Variants in SPRY3 observed in about 807,000 individuals in gnomAD.
The protein encoded by SPRY3 is protein sprouty homolog 3.
SPRY3 carries 15 observed loss-of-function variants against 20.2 expected under a neutral mutation model. The ratio of observed to expected loss-of-function variants is 0.74; its 90% CI spans 0.50 to 1.14. The LOEUF (loss-of-function observed/expected upper bound fraction) is 1.14, where lower values mean the gene tolerates loss of function less well. Ranked by LOEUF, SPRY3 falls within the 50% of genes most tolerant of loss-of-function variation. SPRY3 has a pLI of 0.00. For missense variants in SPRY3, 364 were observed against 363.9 expected (o/e 1.00, Z 0.00); for synonymous variants, 143 against 136.5 (o/e 1.05, Z -0.33).
intron 1 of SPRY3, among the ~76,000 whole-genome samples, chrX:155,646,610 A>G (rs1336811196): frequency 9.0e-6 from 1 of 111,359 alleles, no homozygotes; most frequent in Non-Finnish European, 1.9e-5. Context: ...CTTAGTGTGT[A>G]GAAATGTAAC....
intron 2 of SPRY3, among the ~76,000 whole-genome samples, chrX:155,685,044 A>G (rs990960486): frequency 5.0e-4 from 56 of 111,783 alleles, no homozygotes; most frequent in African/African-American, 1.8e-3. Flanking sequence ...TCTTTCAGCA[A>G]TTTGATTATG....
intron 2 of SPRY3, among the ~76,000 whole-genome samples, chrX:155,683,561 C>T (rs1021468182): frequency 1.8e-5 from 2 of 112,214 alleles, no homozygotes; most frequent in African/African-American, 6.5e-5. Flanking sequence ...ATAACCTTTA[C>T]ATGTACTGGG....
intron 2 of SPRY3, among the ~76,000 whole-genome samples, chrX:155,763,288 C>T (rs2091311530): frequency 6.6e-6 from 1 of 152,042 alleles, no homozygotes; most frequent in Admixed American, 6.6e-5. Context: ...TTAAACTGAC[C>T]TCCCCCTTCC....
intron 2 of SPRY3, among the ~76,000 whole-genome samples, chrX:155,763,132 T>C (rs151301454): frequency 0.027 from 4,036 of 152,084 alleles, 147 homozygotes; most frequent in East Asian, 0.037. Flanking sequence ...AAACCCCTCA[T>C]GTTCTCACTT....
intron 1 of SPRY3, among the ~76,000 whole-genome samples, chrX:155,644,305 G>C (rs1557351658): frequency 9.2e-6 from 1 of 108,946 alleles, no homozygotes; most frequent in African/African-American, 3.3e-5. Context: ...ACAGCAATGG[G>C]TCTTGCCCAA....
intron 2 of SPRY3, among the ~76,000 whole-genome samples, chrX:155,720,888 A>T (rs2091053324): frequency 6.6e-6 from 1 of 152,136 alleles, no homozygotes; most frequent in Non-Finnish European, 1.5e-5. Context: ...ACAGACAAAC[A>T]TCTACAAGTA....
intron 2 of SPRY3, among the ~76,000 whole-genome samples, chrX:155,745,368 C>T (rs976162996): frequency 2.6e-5 from 4 of 152,086 alleles, no homozygotes; most frequent in East Asian, 1.9e-4. Context: ...AGGCTGGGGC[C>T]GGTACAAGGA....
intron 2 of SPRY3, among the ~76,000 whole-genome samples, chrX:155,700,616 CT>C (rs759851874): frequency 0.076 from 4,990 of 65,945 alleles, 569 homozygotes; most frequent in African/African-American, 0.12. Flanking sequence ...GAATGAAGTT[CT>C]TTTTTTTTTT....
intron 3 of SPRY3, among the ~76,000 whole-genome samples, chrX:155,772,737 G>C (rs764504794): frequency 1.3e-5 from 2 of 152,154 alleles, no homozygotes; most frequent in African/African-American, 4.8e-5. Context: ...CTTCCTGACT[G>C]TAGTACAATG....
intron 1 of SPRY3, among the ~76,000 whole-genome samples, chrX:155,634,476 A>G (rs781982395): frequency 4.5e-5 from 5 of 111,538 alleles, no homozygotes; most frequent in South Asian, 3.7e-4. Flanking sequence ...GGCTTATACC[A>G]TGGAATTCAT....
At chrX:155,711,895 T>C (rs1010935586) in intron 2 of SPRY3, among the ~76,000 whole-genome samples, 24 of 151,608 alleles carry the variant, frequency 1.6e-4, no homozygotes, top group Admixed American at 1.4e-3. Flanking sequence ...TTTTGGTATG[T>C]TGTGTTTCCA....
intron 2 of SPRY3, among the ~76,000 whole-genome samples, chrX:155,741,218 A>G (rs1381044689): frequency 1.3e-5 from 2 of 152,190 alleles, no homozygotes; most frequent in Non-Finnish European, 2.9e-5. Context: ...ACAAGTATCA[A>G]TGGCAGAATA....
chrX:155,747,851 T>C (rs1034546181), intron 2 of SPRY3, among the ~76,000 whole-genome samples: 5 of 151,890 alleles, frequency 3.3e-5, no homozygotes, highest in African/African-American at 9.7e-5. Flanking sequence ...TTTTTTTTAA[T>C]TTCCAATCGG....
In SPRY3 at chrX:155,670,771, C is replaced by T. The variant is rs1371277317; in HGVS notation, c.-282+13746C>T. Among the ~76,000 whole-genome samples the T allele has an allele frequency of 2.7e-5, 3 of 111,743 alleles. No homozygotes were observed. The Admixed American group carries it at 2.9e-4, about 11-fold the overall frequency. On this transcript the variant is annotated intron_variant, in intron 2 of 3. Transcript: ENST00000675360. ...AAGCAGAAATTGTTTTTCTATTTTA[C>T]AAATTAGGCCAGAATGGCAAAGGGG...
At chrX:155,771,181 A>T (rs2091378651) in intron 3 of SPRY3, among the ~76,000 whole-genome samples, 1 of 152,126 alleles carries the variant, frequency 6.6e-6, no homozygotes, top group Non-Finnish European at 1.5e-5. Context: ...GCAGAAATCG[A>T]ATCAATATTG....
intron 2 of SPRY3, chrX:155,670,001 C>T (rs2068035484): frequency 9.0e-6 from 1 of 111,442 alleles, no homozygotes; most frequent in African/African-American, 3.3e-5. Flanking sequence ...TTATTGAGAA[C>T]TTAAGTACTA....
intron 2 of SPRY3, among the ~76,000 whole-genome samples, chrX:155,713,969 TCTG>T (rs2091004086): frequency 6.6e-6 from 1 of 152,174 alleles, no homozygotes; most frequent in Admixed American, 6.5e-5. Context: ...CTTCATCAAT[TCTG>T]CTATGAAGAG....
chrX:155,708,643 G>T (rs1267633504), intron 2 of SPRY3, among the ~76,000 whole-genome samples: 1 of 151,152 alleles, frequency 6.6e-6, no homozygotes, highest in Admixed American at 6.6e-5. Flanking sequence ...ATATATTTAT[G>T]TGGTACATGA....
At chrX:155,725,786 T>C (rs2091093282) in intron 2 of SPRY3, among the ~76,000 whole-genome samples, 1 of 152,150 alleles carries the variant, frequency 6.6e-6, no homozygotes, top group Admixed American at 6.6e-5. Context: ...GATTCATTGA[T>C]TTTTTGAAGG....
Sources: allele counts gnomAD v4.1 joint callset (sites outside exome capture counted in the v4.1 genomes callset), GRCh38; gene constraint gnomAD v4.1.1; transcripts MANE v1.5; gene names NCBI Gene and HGNC (gene_info 2026-07-23, HGNC 2026-07-21).